FAM135B: variants seen among roughly 807,000 people sequenced by gnomAD.
FAM135B encodes protein FAM135B.
A neutral mutation model predicts 127.7 loss-of-function variants in FAM135B; 43 were observed. That is an observed-to-expected ratio of 0.34 (90% CI 0.26 to 0.43). The LOEUF (loss-of-function observed/expected upper bound fraction) is 0.43. Among genes scored for constraint, FAM135B ranks in the 20% least tolerant of loss-of-function variants. The pLI is 1.00. For missense variants in FAM135B, 1,558 were observed against 1,725.6 expected (o/e 0.90, Z 1.72); for synonymous variants, 670 against 665.1 (o/e 1.01, Z -0.11).
intron 18 of FAM135B, among the ~76,000 whole-genome samples, chr8:138,138,417 T>C (rs527295908): frequency 6.6e-6 from 1 of 152,288 alleles, no homozygotes; most frequent in East Asian, 1.9e-4. Context: ...GGGCAATCAG[T>C]CAGCTGCTCC....
intron 1 of FAM135B, among the ~76,000 whole-genome samples, chr8:138,429,116 G>C (rs550050831): frequency 3.9e-5 from 6 of 152,280 alleles, no homozygotes; most frequent in African/African-American, 1.4e-4. Flanking sequence ...ATCTTTAAAA[G>C]AGTATAACGG....
At position 138,152,996 on chromosome 8, in the gene FAM135B, G is replaced by A. The variant is rs1818325301; in HGVS notation, c.1479C>T (p.Asp493=). The A allele has an allele frequency of 6.2e-7, 1 of 1,614,066 alleles. No individual in the cohort carries two copies. The highest frequency in any genetic ancestry group is 1.3e-5 in the African/African-American group (1 of 74,934). Residue 493 remains aspartate, a synonymous_variant, in exon 13 of 20, where the codon GAC becomes GAT. Transcript: ENST00000395297. ...TATACACCTGAGATTCAGAGCACAT[G>A]TCCATATGATTTTGTGTGGCCACAT... ...GENVATQNHM[D]MCSESQVYIS...
chr8:138,228,488 C>T (rs1291382945), intron 7 of FAM135B, among the ~76,000 whole-genome samples: 1 of 152,050 alleles, frequency 6.6e-6, no homozygotes, highest in Non-Finnish European at 1.5e-5. Context: ...ATTTGTTGCA[C>T]TTCTGATGTT....
At chr8:138,328,034 A>C (rs1315876401) in intron 2 of FAM135B, among the ~76,000 whole-genome samples, 1 of 152,166 alleles carries the variant, frequency 6.6e-6, no homozygotes, top group East Asian at 1.9e-4. Flanking sequence ...GGGCCTTATT[A>C]TCATTCTTGT....
At chr8:138,347,082 T>A (rs1829468087) in intron 2 of FAM135B, among the ~76,000 whole-genome samples, 1 of 150,344 alleles carries the variant, frequency 6.7e-6, no homozygotes, top group Non-Finnish European at 1.5e-5. Context: ...AAAGGAAGAA[T>A]GAATGGAGGA....
chr8:138,327,252 G>A (rs1285589713), intron 2 of FAM135B, among the ~76,000 whole-genome samples: 1 of 152,166 alleles, frequency 6.6e-6, no homozygotes, highest in Admixed American at 6.5e-5. Context: ...AGGCAAGACT[G>A]TTGGTGATTT....
rs562742630 is a variant in FAM135B, at chr8:138,236,089, TC to T, written c.669+6852del. 4.4e-3 allele frequency among the ~76,000 whole-genome samples: 664 copies of T among 152,256 alleles called. 2 individuals are homozygous for T. The highest frequency in any genetic ancestry group is 0.015 in the African/African-American group (637 of 41,546). ...AATGCCGGACACTCTATCTGTAAGT[TC>T]CTTTGTTCTTCTGCGTTCAGATGTT... On this transcript the variant is annotated intron_variant, in intron 7 of 19. Coordinates refer to ENST00000395297, the MANE Select transcript of FAM135B (RefSeq NM_015912.4).
At chr8:138,473,049 G>A (rs1389429807) in intron 1 of FAM135B, among the ~76,000 whole-genome samples, 2 of 152,092 alleles carry the variant, frequency 1.3e-5, no homozygotes, top group Non-Finnish European at 2.9e-5. Flanking sequence ...GGAAAAATAG[G>A]AATAAACTGA....
In FAM135B at chr8:138,396,062, A is replaced by G. The variant is rs575073256; in HGVS notation, c.-19-28060T>C. ...AGTATTTTCCTGTTTATGTGCCTCA[A>G]TTTACCCATCTGTGTAACGAAAGCA... On this transcript the variant is annotated intron_variant, in intron 1 of 19. Transcript: ENST00000395297. Among the ~76,000 whole-genome samples, 29 of 152,308 alleles carry G rather than the reference A, an allele frequency of 1.9e-4. No individual in the cohort carries two copies. In the South Asian group the frequency reaches 5.8e-3, roughly 31 times the overall value.
intron 3 of FAM135B, 35 bp downstream of exon 3, chr8:138,310,806 G>C: frequency 6.3e-7 from 1 of 1,587,158 alleles, no homozygotes; most frequent in Non-Finnish European, 8.6e-7. Flanking sequence ...GTTCGCCATT[G>C]GGGGCAAGTG....
chr8:138,432,841 T>C (rs1009469491), intron 1 of FAM135B, among the ~76,000 whole-genome samples: 1 of 152,090 alleles, frequency 6.6e-6, no homozygotes, highest in Non-Finnish European at 1.5e-5. Flanking sequence ...TATAGATCCA[T>C]GGCTCAGCTT....
chr8:138,449,304 A>G (rs1587482479), intron 1 of FAM135B, among the ~76,000 whole-genome samples: 1 of 152,196 alleles, frequency 6.6e-6, no homozygotes, highest in East Asian at 1.9e-4. Flanking sequence ...CCAAAGTGCC[A>G]TAAAGGGATT....
intron 4 of FAM135B, among the ~76,000 whole-genome samples, 180 bp downstream of exon 4, chr8:138,265,523 T>TA (rs370894750): frequency 3.3e-5 from 5 of 151,980 alleles, no homozygotes; most frequent in African/African-American, 7.3e-5. Flanking sequence ...AATATATGAA[T>TA]AAAAAAATGA....
intron 9 of FAM135B, among the ~76,000 whole-genome samples, chr8:138,181,589 T>C (rs565513967): frequency 3.6e-4 from 55 of 152,268 alleles, no homozygotes; most frequent in Middle Eastern, 3.4e-3. Flanking sequence ...CCTGCGCACC[T>C]TCCCCCGTCA....
Position 138,266,708 on chromosome 8 carries a change from T to C in FAM135B, c.158-866A>G, listed in dbSNP as rs572466108. On this transcript the variant is annotated intron_variant, in intron 3 of 19. Coordinates refer to ENST00000395297, the MANE Select transcript of FAM135B (RefSeq NM_015912.4). ...CCCAGGGTTATTGTGGGGGAACAAATGGACGAACTCCTCCAAATTACTTCA... is the reference window on the plus strand; with the variant it reads ...CCCAGGGTTATTGTGGGGGAACAAACGGACGAACTCCTCCAAATTACTTCA... Among the ~76,000 whole-genome samples, 345 of 147,324 alleles carry C rather than the reference T, an allele frequency of 2.3e-3. 1 individual carries two copies. The highest frequency in any genetic ancestry group is 0.014 in the Middle Eastern group (4 of 276).
At chr8:138,429,770 T>A (rs1312466370) in intron 1 of FAM135B, among the ~76,000 whole-genome samples, 1 of 152,168 alleles carries the variant, frequency 6.6e-6, no homozygotes, top group Non-Finnish European at 1.5e-5. Context: ...AAAGGCACTA[T>A]CCTGACAACA....
At chr8:138,143,506 T>C (rs1817394322) in intron 15 of FAM135B, among the ~76,000 whole-genome samples, 1 of 152,062 alleles carries the variant, frequency 6.6e-6, no homozygotes, top group Admixed American at 6.6e-5. Flanking sequence ...CAGGCCTGAA[T>C]CCAAAGGCCC....
chr8:138,153,106 T>C lies in FAM135B; in HGVS notation c.1369A>G (p.Arg457Gly), dbSNP rs1818338545. 1 of 1,613,936 alleles carries C rather than the reference T, an allele frequency of 6.2e-7. No individual in the cohort carries two copies. Among genetic ancestry groups the C allele is most frequent in the South Asian group, 1.1e-5 (1 of 91,086 alleles). Residue 457 changes from arginine to glycine, a missense_variant, in exon 13 of 20, where the codon AGG (arginine) becomes GGG (glycine). By Grantham distance (125) the Arg-to-Gly change is moderately radical (BLOSUM62 -2). Coordinates refer to ENST00000395297, the MANE Select transcript of FAM135B (RefSeq NM_015912.4). ...ATGGTAGACAAGACAAGGTCTTCCC[T>C]AAAAGATAAATTGCTATTTACCATA... Reference protein sequence around the residue: ...NCMVNSNLSFREDLVLSTIKP... With the variant: ...NCMVNSNLSFGEDLVLSTIKP...
At chr8:138,246,333 A>G (rs1821284496) in intron 6 of FAM135B, among the ~76,000 whole-genome samples, 1 of 152,154 alleles carries the variant, frequency 6.6e-6, no homozygotes, top group Admixed American at 6.5e-5. Context: ...CCAGAGGCCC[A>G]GGAAGAAAGA....
Sources: allele counts gnomAD v4.1 joint callset (sites outside exome capture counted in the v4.1 genomes callset), GRCh38; gene constraint gnomAD v4.1.1; transcripts MANE v1.5; gene names NCBI Gene and HGNC (gene_info 2026-07-23, HGNC 2026-07-21).